Variants in TBCE observed in about 807,000 individuals in gnomAD.
The protein encoded by TBCE is tubulin-specific chaperone E.
In TBCE, 53 loss-of-function variants were observed where a neutral mutation model predicts 77.0. That is an observed-to-expected ratio of 0.69 (90% CI 0.55 to 0.87). TBCE has a LOEUF of 0.87. TBCE is among the 40% of genes least tolerant of loss of function. The pLI is 0.00. For synonymous variants in TBCE, 235 were observed against 241.3 expected (o/e 0.97, Z 0.24); for missense variants, 624 against 622.4 (o/e 1.00, Z -0.03).
chr1:235,391,327 CA>C (rs542288444), intron 2 of TBCE, among the ~76,000 whole-genome samples: 95 of 151,294 alleles, frequency 6.3e-4, no homozygotes, highest in African/African-American at 2.1e-3. Context: ...ACTAACAGTA[CA>C]AAAAAAATTA....
At position 235,423,477 on chromosome 1, in the gene TBCE, CG is replaced by C. The variant is rs776843528; in HGVS notation, c.461-3662del. 1.1e-4 allele frequency among the ~76,000 whole-genome samples: 16 copies of C among 152,184 alleles called. No individual in the cohort carries two copies. In the East Asian group the frequency reaches 2.3e-3, roughly 22 times the overall value. Reference sequence around the variant, plus strand: ...AACCCTTCCTCAGCAGCCTAACAGCCGATTTAGCGGGGTTAATGGAAACACA... The same window carrying C: ...AACCCTTCCTCAGCAGCCTAACAGCCATTTAGCGGGGTTAATGGAAACACA... On this transcript the variant is annotated intron_variant, in intron 5 of 16. Coordinates refer to ENST00000642610, the MANE Select transcript of TBCE (RefSeq NM_003193.5).
In TBCE at chr1:235,375,158, G is replaced by C. The variant is rs574986478; in HGVS notation, c.-31-4861G>C. On this transcript the variant is annotated intron_variant, in intron 1 of 16. Coordinates refer to ENST00000642610, the MANE Select transcript of TBCE (RefSeq NM_003193.5). ...GATGGTCTCAATCTCCTGACCTCAT[G>C]ATCCGCCTGCCTTGTCCTCCCAAAG... 8.0e-4 allele frequency among the ~76,000 whole-genome samples: 122 copies of C among 152,056 alleles called. 2 individuals carry two copies. The highest frequency in any genetic ancestry group is 4.3e-3 in the Admixed American group (66 of 15,254).
chr1:235,428,025 G>A (rs184046362), intron 6 of TBCE, among the ~76,000 whole-genome samples: 175 of 144,672 alleles, frequency 1.2e-3, no homozygotes, highest in African/African-American at 3.9e-3. Flanking sequence ...GCAAGACTCC[G>A]TCAAAAAAAC....
intron 3 of TBCE, among the ~76,000 whole-genome samples, chr1:235,403,728 A>G (rs1008082418): frequency 6.6e-6 from 1 of 152,142 alleles, no homozygotes; most frequent in Non-Finnish European, 1.5e-5. Flanking sequence ...AGGGACATTG[A>G]GTCAGTATAG....
At chr1:235,442,421 C>T (rs960029493) in intron 14 of TBCE, among the ~76,000 whole-genome samples, 3 of 152,192 alleles carry the variant, frequency 2.0e-5, no homozygotes, top group Admixed American at 6.5e-5. Flanking sequence ...CCACCCGCCT[C>T]GGCCTCCCAA....
At position 235,451,945 on chromosome 1, in the gene TBCE, G is replaced by A. The variant is rs1271926194; in HGVS notation, c.*3183G>A. Reference sequence around the variant, plus strand: ...AATGATGTCTTATATTTCATGCAGTGTCTTATTTTTATCGGTCAGAAGGGT... The same window carrying A: ...AATGATGTCTTATATTTCATGCAGTATCTTATTTTTATCGGTCAGAAGGGT... On this transcript the variant is annotated 3_prime_UTR_variant, in exon 17 of 17. Coordinates refer to ENST00000642610, the MANE Select transcript of TBCE (RefSeq NM_003193.5). 6.6e-6 allele frequency: 1 copy of A among 152,070 alleles called. No homozygotes were observed. Among genetic ancestry groups the A allele is most frequent in the African/African-American group, 2.4e-5 (1 of 41,410 alleles). 9.4% of individuals were successfully genotyped at this position (152,070 alleles called of 1,614,324 possible).
rs1572321022 is a variant in TBCE, at chr1:235,378,550, A to C, written c.-31-1469A>C. On this transcript the variant is annotated intron_variant, in intron 1 of 16. Coordinates refer to ENST00000642610, the MANE Select transcript of TBCE (RefSeq NM_003193.5). ...ACACTGCTAGCTTTTTAAAACAGAAAGTGAGTTTTATTTAGGCCGGCCGCG... is the reference window on the plus strand; with the variant it reads ...ACACTGCTAGCTTTTTAAAACAGAACGTGAGTTTTATTTAGGCCGGCCGCG... 1.3e-5 allele frequency among the ~76,000 whole-genome samples: 2 copies of C among 152,254 alleles called. 1 individual carries two copies. Among genetic ancestry groups the C allele is most frequent in the Non-Finnish European group, 2.9e-5 (2 of 68,010 alleles).
At chr1:235,400,460 G>T (rs1433147471) in intron 2 of TBCE, among the ~76,000 whole-genome samples, 1 of 134,584 alleles carries the variant, frequency 7.4e-6, no homozygotes, top group East Asian at 2.4e-4. Flanking sequence ...GGGTGCAGTG[G>T]CGTGATCTCG....
At chr1:235,438,447 C>G (rs1681605119) in intron 12 of TBCE, among the ~76,000 whole-genome samples, 1 of 151,706 alleles carries the variant, frequency 6.6e-6, no homozygotes, top group Non-Finnish European at 1.5e-5. Flanking sequence ...ATTCCAGAGG[C>G]TGAGGCAGGA....
chr1:235,418,222 G>T (rs75869619), intron 4 of TBCE, among the ~76,000 whole-genome samples: 3,577 of 152,186 alleles, frequency 0.024, 149 homozygotes, highest in African/African-American at 0.081. Context: ...GCCACGTTTT[G>T]TTTATCCTTT....
At chr1:235,447,414 C>T (rs928524215) in intron 15 of TBCE, among the ~76,000 whole-genome samples, 6 of 152,206 alleles carry the variant, frequency 3.9e-5, no homozygotes, top group Non-Finnish European at 5.9e-5. Flanking sequence ...TACCACAACC[C>T]GTCTTTGGAA....
chr1:235,448,702 C>G lies in TBCE; in HGVS notation c.1524C>G (p.Asp508Glu). 1 of 1,614,014 alleles carries G rather than the reference C, an allele frequency of 6.2e-7. No homozygotes were observed. Among genetic ancestry groups the G allele is most frequent in the Non-Finnish European group, 8.5e-7 (1 of 1,179,968 alleles). The change falls in exon 17 of 17, where the codon GAC (aspartate) becomes GAG (glutamate). Residue 508 changes from aspartate to glutamate, a missense_variant. Transcript: ENST00000642610. ...KPGREIELEN[D>E]LKSLQFYSVE... ...GCAGAGAAATCGAGCTGGAAAATGA[C>G]CTAAAGTCATTACAGTTTTATTCTG...
intron 1 of TBCE, among the ~76,000 whole-genome samples, chr1:235,378,802 A>G (rs573688076): frequency 1.3e-5 from 2 of 152,298 alleles, no homozygotes; most frequent in Admixed American, 6.5e-5. Context: ...CAGAGGTTGC[A>G]GTTAGCAGAG....
intron 2 of TBCE, among the ~76,000 whole-genome samples, chr1:235,381,685 CAAAAAAAAA>C (rs574997840): frequency 1.6e-4 from 7 of 43,192 alleles, no homozygotes; most frequent in Non-Finnish European, 2.3e-4. Context: ...ACTCCTTCTC[CAAAAAAAAA>C]AAAAAAAAAA....
intron 3 of TBCE, among the ~76,000 whole-genome samples, chr1:235,407,180 T>C (rs777232944): frequency 3.0e-4 from 45 of 148,174 alleles, no homozygotes; most frequent in Non-Finnish European, 5.6e-4. Flanking sequence ...GTCACCCAGG[T>C]AGTAGTACAG....
chr1:235,438,151 A>C (rs963412665), intron 12 of TBCE, among the ~76,000 whole-genome samples: 1 of 152,268 alleles, frequency 6.6e-6, no homozygotes, highest in Non-Finnish European at 1.5e-5. Context: ...ACTGGGAGTC[A>C]GTCAGCTCCA....
At chr1:235,377,176 A>G (rs1056566673) in intron 1 of TBCE, among the ~76,000 whole-genome samples, 28 of 151,940 alleles carry the variant, frequency 1.8e-4, no homozygotes, top group African/African-American at 6.8e-4. Flanking sequence ...GGGAAAAATG[A>G]TTTTTTTTGT....
At chr1:235,419,762 A>C (rs1052366423) in intron 5 of TBCE, among the ~76,000 whole-genome samples, 9 of 152,168 alleles carry the variant, frequency 5.9e-5, no homozygotes, top group African/African-American at 2.2e-4. Flanking sequence ...CAGCATGTTC[A>C]GGTGGAAGTT....
chr1:235,437,794 T>TG (rs1681561105), intron 12 of TBCE, among the ~76,000 whole-genome samples: 2 of 149,918 alleles, frequency 1.3e-5, no homozygotes, highest in Non-Finnish European at 3.0e-5. Flanking sequence ...CACTCCAGCC[T>TG]GGGCAATGGA....
Sources: gnomAD v4.1 joint callset for allele counts (sites outside exome capture counted in the v4.1 genomes callset) on GRCh38, gnomAD v4.1.1 for gene constraint, MANE v1.5 for transcripts, NCBI Gene and HGNC (gene_info 2026-07-23, HGNC 2026-07-21) for gene names.